The following SLMAP variants were observed in gnomAD, a reference collection of about 807,000 sequenced individuals.
SLMAP encodes the protein sarcolemmal membrane-associated protein.
SLMAP carries 44 observed loss-of-function variants against 128.8 expected under a neutral mutation model. That is an observed-to-expected ratio of 0.34 (90% CI 0.27 to 0.44). SLMAP has a LOEUF of 0.44. Among genes scored for constraint, SLMAP ranks in the 20% least tolerant of loss-of-function variants. SLMAP has a pLI of 1.00. For missense variants in SLMAP, 787 were observed against 985.3 expected (o/e 0.80, Z 2.69); for synonymous variants, 327 against 348.8 (o/e 0.94, Z 0.70).
chr3:57,877,171 A>G (rs768019368), intron 14 of SLMAP, among the ~76,000 whole-genome samples: 44 of 152,086 alleles, frequency 2.9e-4, no homozygotes, highest in Non-Finnish European at 5.1e-4. Flanking sequence ...TTTTCAGAAA[A>G]ATCTTTCTCT....
At chr3:57,851,517 C>T (rs1327323285) in intron 6 of SLMAP, among the ~76,000 whole-genome samples, 5 of 150,936 alleles carry the variant, frequency 3.3e-5, no homozygotes, top group East Asian at 3.9e-4. Context: ...CTGTCACCCA[C>T]GCTGGAGTGC....
rs148980312 is a variant in SLMAP at position 57,757,967 on chromosome 3, G to A, written c.198+118G>A. On this transcript the variant is annotated intron_variant, in intron 2 of 24. Coordinates refer to ENST00000671191, the MANE Select transcript of SLMAP (RefSeq NM_001377540.1). ...GGTTTGCATCCAGAGGAGGCTTTGCGCAAAGCCACGAATCAACTGTTTGTG... is the reference window on the plus strand; with the variant it reads ...GGTTTGCATCCAGAGGAGGCTTTGCACAAAGCCACGAATCAACTGTTTGTG... The A allele has an allele frequency of 8.6e-4, 698 of 810,646 alleles. 5 individuals are homozygous for A. In the African/African-American group the frequency reaches 9.6e-3, roughly 11 times the overall value. The allele number at this position is 810,646 out of a possible 1,614,324, so 50.2% of individuals were successfully genotyped here.
chr3:57,843,708 CTTTCTTTCTTTCTT>C (rs962332847), intron 4 of SLMAP, among the ~76,000 whole-genome samples: 13 of 71,770 alleles, frequency 1.8e-4, no homozygotes, highest in South Asian at 5.5e-4. Flanking sequence ...CCTTCCTTTT[CTTTCTTTCTTTCTT>C]TTTCTTTCTT....
chr3:57,894,353 T>G (rs1178795164), intron 15 of SLMAP, among the ~76,000 whole-genome samples: 4 of 152,202 alleles, frequency 2.6e-5, no homozygotes, highest in Admixed American at 1.3e-4. Context: ...ATTAGGCTTT[T>G]TACTTAGTAG....
intron 2 of SLMAP, among the ~76,000 whole-genome samples, chr3:57,799,706 T>A (rs867749783): frequency 1.3e-5 from 2 of 151,986 alleles, no homozygotes; most frequent in Non-Finnish European, 2.9e-5. Flanking sequence ...GGATGATGTA[T>A]TTTTTTTATT....
At chr3:57,787,835 G>A (rs2084566029) in intron 2 of SLMAP, among the ~76,000 whole-genome samples, 1 of 152,186 alleles carries the variant, frequency 6.6e-6, no homozygotes, top group Non-Finnish European at 1.5e-5. Flanking sequence ...CTGGGATATA[G>A]GAGTGAAAGA....
chr3:57,829,006 C>A (rs2093137843), intron 2 of SLMAP, among the ~76,000 whole-genome samples: 1 of 152,032 alleles, frequency 6.6e-6, no homozygotes, highest in Non-Finnish European at 1.5e-5. Flanking sequence ...TGGTCTTGAA[C>A]TCCTGGGCTC....
At chr3:57,847,137 C>G in intron 4 of SLMAP, 60 bp from the exon 5 acceptor site, 1 of 1,092,402 alleles carries the variant, frequency 9.2e-7, no homozygotes, top group Non-Finnish European at 1.4e-6. Context: ...CTGGTGCTCT[C>G]ATACTCTGTT....
intron 15 of SLMAP, among the ~76,000 whole-genome samples, chr3:57,893,157 T>A (rs946488325): frequency 1.0e-4 from 15 of 150,728 alleles, no homozygotes; most frequent in African/African-American, 3.4e-4. Context: ...AATCATCCTT[T>A]AAAAAAAAAT....
intron 14 of SLMAP, among the ~76,000 whole-genome samples, chr3:57,877,525 A>G (rs781472556): frequency 2.0e-5 from 3 of 152,206 alleles, no homozygotes; most frequent in Non-Finnish European, 2.9e-5. Flanking sequence ...TCCCTGTAAT[A>G]GGAAAACTCT....
At chr3:57,914,495 AG>A (rs2096767915) in intron 21 of SLMAP, among the ~76,000 whole-genome samples, 1 of 152,180 alleles carries the variant, frequency 6.6e-6, no homozygotes, top group African/African-American at 2.4e-5. Flanking sequence ...GACAAAATAA[AG>A]GTCAAAACTA....
At position 57,875,575 on chromosome 3, in the gene SLMAP, C is replaced by T. The variant is rs149489594; in HGVS notation, c.1300+3877C>T. Among the ~76,000 whole-genome samples the T allele has an allele frequency of 5.7e-3, 863 of 152,298 alleles. 30 individuals carry two copies. The highest frequency in any genetic ancestry group is 0.049 in the Admixed American group (748 of 15,294). ...GTATTCCCAGACATCTGAATCCTTTCGGTCCCTGAGTGCAAACAGAGAAAG... is the reference window on the plus strand; with the variant it reads ...GTATTCCCAGACATCTGAATCCTTTTGGTCCCTGAGTGCAAACAGAGAAAG... On this transcript the variant is annotated intron_variant, in intron 14 of 24. Transcript: ENST00000671191.
chr3:57,910,276 G>A (rs933933570), intron 19 of SLMAP, among the ~76,000 whole-genome samples: 8 of 152,030 alleles, frequency 5.3e-5, no homozygotes, highest in East Asian at 1.9e-4. Context: ...TACAACCTCC[G>A]TCTCCCGAGT....
At chr3:57,911,450 G>T (rs1194682598) in intron 19 of SLMAP, among the ~76,000 whole-genome samples, 1 of 151,906 alleles carries the variant, frequency 6.6e-6, no homozygotes, top group East Asian at 1.9e-4. Flanking sequence ...TAATTTTCTT[G>T]TTCTGCGCCA....
intron 2 of SLMAP, among the ~76,000 whole-genome samples, chr3:57,764,964 G>A (rs1258228843): frequency 6.6e-6 from 1 of 152,240 alleles, no homozygotes; most frequent in Non-Finnish European, 1.5e-5. Flanking sequence ...AAAGCGCAAG[G>A]TCCTGTGTGA....
At chr3:57,795,102 G>T (rs1056559105) in intron 2 of SLMAP, among the ~76,000 whole-genome samples, 2 of 152,136 alleles carry the variant, frequency 1.3e-5, no homozygotes, top group Non-Finnish European at 2.9e-5. Flanking sequence ...CAGGTGGGTA[G>T]GAAATGGTAT....
chr3:57,853,811 C>G (rs915472173), intron 6 of SLMAP, among the ~76,000 whole-genome samples: 10 of 149,612 alleles, frequency 6.7e-5, no homozygotes, highest in Non-Finnish European at 1.2e-4. Context: ...CGTGGTGGCG[C>G]ATGCCTGTAA....
intron 2 of SLMAP, among the ~76,000 whole-genome samples, chr3:57,765,220 T>C (rs1372773656): frequency 6.6e-6 from 1 of 152,142 alleles, no homozygotes; most frequent in Non-Finnish European, 1.5e-5. Context: ...ATAGCAATAA[T>C]TTGTCTCTAA....
intron 2 of SLMAP, among the ~76,000 whole-genome samples, chr3:57,777,263 T>A (rs967405526): frequency 1.1e-4 from 16 of 152,026 alleles, no homozygotes; most frequent in East Asian, 3.9e-4. Flanking sequence ...AATAAAATTT[T>A]AAAAAAAGAA....
Sources: gnomAD v4.1 joint callset for allele counts (sites outside exome capture counted in the v4.1 genomes callset) on GRCh38, gnomAD v4.1.1 for gene constraint, MANE v1.5 for transcripts, NCBI Gene and HGNC (gene_info 2026-07-23, HGNC 2026-07-21) for gene names.